Variants in GPATCH2 observed in about 807,000 individuals in gnomAD.
GPATCH2 encodes the protein G-patch domain containing 2.
GPATCH2 carries 51 observed loss-of-function variants against 58.0 expected under a neutral mutation model. That is an observed-to-expected ratio of 0.88 (90% CI 0.70 to 1.11). The LOEUF (loss-of-function observed/expected upper bound fraction) is 1.11, where lower values mean the gene tolerates loss of function less well. GPATCH2 is among the 50% of genes most tolerant of loss of function. The probability of loss-of-function intolerance (pLI) is 0.00; values close to 1 mark genes in which losing one functional copy is unlikely to be tolerated. For missense variants in GPATCH2, 625 were observed against 652.2 expected, an observed-to-expected ratio of 0.96 and a Z score of 0.45; for synonymous variants, 222 against 218.5, an observed-to-expected ratio of 1.02 and a Z score of -0.14.
At chr1:217,616,125 A>C (rs773553767) in intron 2 of GPATCH2, among the ~76,000 whole-genome samples, 4 of 152,134 alleles carry the variant, frequency 2.6e-5, no homozygotes, top group Non-Finnish European at 5.9e-5. Context: ...TATTAACAAC[A>C]GGAGAAAGTG....
In GPATCH2 at chr1:217,430,947, G is replaced by C. The variant is rs1658504782; in HGVS notation, c.*198C>G. 3 of 589,970 alleles carry C rather than the reference G, an allele frequency of 5.1e-6. No homozygotes were observed. In the East Asian group the frequency reaches 8.4e-5, roughly 17 times the overall value. The allele number at this position is 589,970 out of a possible 1,614,324, so 36.5% of individuals were successfully genotyped here. Reference sequence around the variant, plus strand: ...AATTACTGAAAAAAATTAAAGTGCAGAGGTTTTCATTTTAGCACCATGAAT... The same window carrying C: ...AATTACTGAAAAAAATTAAAGTGCACAGGTTTTCATTTTAGCACCATGAAT... On this transcript the variant is annotated 3_prime_UTR_variant, in exon 10 of 10. Coordinates refer to ENST00000366935, the MANE Select transcript of GPATCH2 (RefSeq NM_018040.5).
At chr1:217,519,045 A>C (rs1254704053) in intron 5 of GPATCH2, among the ~76,000 whole-genome samples, 1 of 152,256 alleles carries the variant, frequency 6.6e-6, no homozygotes, top group Non-Finnish European at 1.5e-5. Context: ...GAAAGAAACA[A>C]GACTTTTAAG....
chr1:217,504,857 A>C (rs1466926661), intron 6 of GPATCH2, among the ~76,000 whole-genome samples: 1 of 152,220 alleles, frequency 6.6e-6, no homozygotes, highest in African/African-American at 2.4e-5. Context: ...GGAAAATAAA[A>C]GTTGCTTAAT....
chr1:217,487,733 A>G (rs1317056132), intron 8 of GPATCH2, among the ~76,000 whole-genome samples: 1 of 149,722 alleles, frequency 6.7e-6, no homozygotes, highest in Non-Finnish European at 1.5e-5. Flanking sequence ...CCAGAAGTGC[A>G]CTTTTTCACT....
At chr1:217,602,658 A>AGG (rs1668161469) in intron 5 of GPATCH2, among the ~76,000 whole-genome samples, 1 of 152,168 alleles carries the variant, frequency 6.6e-6, no homozygotes, top group Non-Finnish European at 1.5e-5. Context: ...AGGTGCTAGA[A>AGG]TTAGATCAGC....
At chr1:217,578,330 C>A (rs1217466811) in intron 5 of GPATCH2, among the ~76,000 whole-genome samples, 4 of 152,066 alleles carry the variant, frequency 2.6e-5, no homozygotes, top group Non-Finnish European at 5.9e-5. Flanking sequence ...CTCCTAGGCC[C>A]AAGGGATCCT....
intron 9 of GPATCH2, among the ~76,000 whole-genome samples, chr1:217,432,782 A>G (rs919880887): frequency 3.3e-5 from 5 of 152,192 alleles, no homozygotes; most frequent in African/African-American, 1.2e-4. Context: ...ATCTTAAAAG[A>G]ACCTTTGTCT....
At chr1:217,581,537 C>T (rs570239713) in intron 5 of GPATCH2, among the ~76,000 whole-genome samples, 8 of 152,308 alleles carry the variant, frequency 5.3e-5, no homozygotes, top group African/African-American at 1.9e-4. Context: ...GTCCCACCTC[C>T]CCCAACTTCT....
At chr1:217,591,939 T>C (rs1003401629) in intron 5 of GPATCH2, among the ~76,000 whole-genome samples, 1 of 152,028 alleles carries the variant, frequency 6.6e-6, no homozygotes, top group Non-Finnish European at 1.5e-5. Flanking sequence ...AACCTATAAT[T>C]TGTTAATGTA....
intron 5 of GPATCH2, among the ~76,000 whole-genome samples, chr1:217,574,639 G>T (rs188581507): frequency 6.6e-6 from 1 of 152,284 alleles, no homozygotes; most frequent in East Asian, 1.9e-4. Flanking sequence ...ATGTTGCTAA[G>T]TACTTTACAT....
rs1041408774 is a variant in GPATCH2 at position 217,428,945 on chromosome 1, T to C, written c.*2200A>G. On this transcript the variant is annotated 3_prime_UTR_variant, in exon 10 of 10. Coordinates refer to ENST00000366935, the MANE Select transcript of GPATCH2 (RefSeq NM_018040.5). ...TGCTCTTCTTCACTATGAGGGTTTTTACTTCCATTAGAACATAATAAGGTG... is the reference window on the plus strand; with the variant it reads ...TGCTCTTCTTCACTATGAGGGTTTTCACTTCCATTAGAACATAATAAGGTG... 8 of 152,174 alleles carry C rather than the reference T, an allele frequency of 5.3e-5. No homozygotes were observed. Among genetic ancestry groups the C allele is most frequent in the African/African-American group, 1.9e-4 (8 of 41,444 alleles). 9.4% of individuals were successfully genotyped at this position (152,174 alleles called of 1,614,324 possible). A position where few individuals can be genotyped will look rare whatever the true frequency, so the allele number is the denominator to read the frequency against.
At chr1:217,455,913 GAGA>G (rs1298749132) in intron 8 of GPATCH2, among the ~76,000 whole-genome samples, 1 of 152,044 alleles carries the variant, frequency 6.6e-6, no homozygotes, top group Non-Finnish European at 1.5e-5. Flanking sequence ...GCAGAGAGAA[GAGA>G]AGGAGCATCT....
chr1:217,436,885 A>G (rs1005122543), intron 9 of GPATCH2, among the ~76,000 whole-genome samples: 1 of 152,126 alleles, frequency 6.6e-6, no homozygotes, highest in Non-Finnish European at 1.5e-5. Context: ...CCGACTGAAC[A>G]CTGAACTTGC....
chr1:217,501,444 C>T (rs148020435), intron 6 of GPATCH2, among the ~76,000 whole-genome samples: 3 of 152,122 alleles, frequency 2.0e-5, no homozygotes, highest in South Asian at 2.1e-4. Context: ...GTTTTTACTT[C>T]GGTGGGATCA....
chr1:217,454,588 CAAAAAAAAA>C (rs34571192), intron 8 of GPATCH2, among the ~76,000 whole-genome samples: 31 of 59,620 alleles, frequency 5.2e-4, no homozygotes, highest in African/African-American at 2.3e-3. Context: ...GACTCTGTCT[CAAAAAAAAA>C]AAAAAAAAAA....
At position 217,589,809 on chromosome 1, in the gene GPATCH2, C is replaced by T. The variant is rs537133515; in HGVS notation, c.1098+20512G>A. On this transcript the variant is annotated intron_variant, in intron 5 of 9. Coordinates refer to ENST00000366935, the MANE Select transcript of GPATCH2 (RefSeq NM_018040.5). ...AGGCACTAGACTCAAACTTATTGCT[C>T]TATTCAGTCTGCTGGAGTCCACCAA... Among the ~76,000 whole-genome samples the T allele has an allele frequency of 2.0e-5, 3 of 152,238 alleles. No homozygotes were observed. The East Asian group carries it at 5.8e-4, about 29-fold the overall frequency.
chr1:217,471,032 G>T (rs1660703243), intron 8 of GPATCH2, among the ~76,000 whole-genome samples: 1 of 151,866 alleles, frequency 6.6e-6, no homozygotes, highest in African/African-American at 2.4e-5. Flanking sequence ...AGGAAAAAAT[G>T]AGAATAAACT....
At chr1:217,571,470 T>C (rs1666532988) in intron 5 of GPATCH2, among the ~76,000 whole-genome samples, 1 of 151,104 alleles carries the variant, frequency 6.6e-6, no homozygotes, top group African/African-American at 2.4e-5. Flanking sequence ...ATGCAATAAA[T>C]TCAACAGTAT....
chr1:217,463,229 G>T (rs1007246438), intron 8 of GPATCH2, among the ~76,000 whole-genome samples: 1 of 152,104 alleles, frequency 6.6e-6, no homozygotes, highest in African/African-American at 2.4e-5. Context: ...ACTAAAATAT[G>T]AAAGTGTCAT....
Sources: gnomAD v4.1 joint callset for allele counts (sites outside exome capture counted in the v4.1 genomes callset) on GRCh38, gnomAD v4.1.1 for gene constraint, MANE v1.5 for transcripts, NCBI Gene and HGNC (gene_info 2026-07-23, HGNC 2026-07-21) for gene names.